Variants in TTC39A observed in about 807,000 individuals in gnomAD.
TTC39A encodes the protein tetratricopeptide repeat protein 39A.
A neutral mutation model predicts 82.3 loss-of-function variants in TTC39A; 46 were observed. The observed-to-expected ratio is 0.56, with a 90% CI of 0.44 to 0.71. The LOEUF is 0.71. Among genes scored for constraint, TTC39A ranks in the 30% least tolerant of loss-of-function variants. The probability of loss-of-function intolerance (pLI) is 0.00; values close to 1 mark genes in which losing one functional copy is unlikely to be tolerated. For synonymous variants in TTC39A, 254 were observed against 275.2 expected (o/e 0.92, Z 0.76); for missense variants, 543 against 712.9 (o/e 0.76, Z 2.71).
At chr1:51,313,088 C>T (rs964301025) in intron 2 of TTC39A, 145 bp from the exon 3 acceptor site, 7 of 1,085,962 alleles carry the variant, frequency 6.4e-6, no homozygotes, top group Non-Finnish European at 9.2e-6. Context: ...TTGGCCAGGT[C>T]TAATCTGCTC....
intron 14 of TTC39A, among the ~76,000 whole-genome samples, chr1:51,291,183 T>C (rs1050099958): frequency 3.3e-5 from 5 of 152,202 alleles, no homozygotes; most frequent in Non-Finnish European, 7.3e-5. Context: ...TAGATTCTTT[T>C]TTTTTAGTTA....
chr1:51,309,829 A>G (rs1037433332), intron 5 of TTC39A, among the ~76,000 whole-genome samples: 1 of 152,174 alleles, frequency 6.6e-6, no homozygotes, highest in African/African-American at 2.4e-5. Context: ...AGGACAGATA[A>G]ACAAACTGCG....
chr1:51,289,808 C>T (rs1644134267), intron 16 of TTC39A, among the ~76,000 whole-genome samples, 197 bp downstream of exon 16: 1 of 152,188 alleles, frequency 6.6e-6, no homozygotes, highest in South Asian at 2.1e-4. Flanking sequence ...AATTTGGTGG[C>T]ACTGGGAGGC....
chr1:51,342,243 TGGTGC>T (rs1301978385), intron 1 of TTC39A, among the ~76,000 whole-genome samples: 1 of 152,178 alleles, frequency 6.6e-6, no homozygotes, highest in Non-Finnish European at 1.5e-5. Context: ...TACCCAATCC[TGGTGC>T]CTGGAATCCC....
At position 51,311,295 on chromosome 1, in the gene TTC39A, C is replaced by A; in HGVS notation, c.382G>T (p.Ala128Ser). 1 of 1,585,842 alleles carries A rather than the reference C, an allele frequency of 6.3e-7. No individual in the cohort carries two copies. Among genetic ancestry groups the A allele is most frequent in the East Asian group, 2.3e-5 (1 of 43,622 alleles). The change falls in exon 5 of 18, where the codon GCA becomes TCA. Residue 128 changes from alanine (A) to serine (S), a missense_variant. Coordinates refer to ENST00000680483, the MANE Select transcript of TTC39A (RefSeq NM_001297663.2). ...GCTGCTCGCTGCAGCAGGCACTCTG[C>A]ATAGCAGACCTCAGCGTGGATTTCC... The part of the protein sequence containing the change: ...EEEIHAEVCY[A>S]ECLLQRAALT...
intron 1 of TTC39A, among the ~76,000 whole-genome samples, chr1:51,328,811 G>T (rs1201347029): frequency 6.6e-6 from 1 of 152,206 alleles, no homozygotes; most frequent in Non-Finnish European, 1.5e-5. Flanking sequence ...AAAAGGTAGA[G>T]ATTTAAGGCT....
intron 11 of TTC39A, 110 bp downstream of exon 11, chr1:51,302,247 C>A (rs868555655): frequency 3.3e-5 from 19 of 572,722 alleles, no homozygotes; most frequent in Non-Finnish European, 5.7e-5. Context: ...TTGGCCCCCC[C>A]CCCGCCCCCA....
chr1:51,305,765 G>A (rs1435089121), intron 7 of TTC39A, among the ~76,000 whole-genome samples: 2 of 152,100 alleles, frequency 1.3e-5, no homozygotes, highest in South Asian at 2.1e-4. Flanking sequence ...GAAATGCACC[G>A]ATGGACTCTG....
intron 14 of TTC39A, among the ~76,000 whole-genome samples, chr1:51,291,347 C>T (rs943927556): frequency 2.0e-5 from 3 of 151,102 alleles, no homozygotes; most frequent in Non-Finnish European, 2.9e-5. Flanking sequence ...AAAAATTAGC[C>T]GGGTGTGGTG....
chr1:51,309,108 C>T (rs1253896085), intron 6 of TTC39A, among the ~76,000 whole-genome samples, 153 bp downstream of exon 6: 1 of 152,178 alleles, frequency 6.6e-6, no homozygotes, highest in Non-Finnish European at 1.5e-5. Flanking sequence ...AGACTGAGGT[C>T]CTGAGGGCAT....
At chr1:51,334,428 G>C (rs531024618), upstream of TTC39A, among the ~76,000 whole-genome samples, 1 of 152,068 alleles carries the variant, frequency 6.6e-6, no homozygotes. Context: ...GCTTGAACCC[G>C]GGAGGCGGAG....
At position 51,312,794 on chromosome 1, in the gene TTC39A, G is replaced by A. The variant is rs776716358; in HGVS notation, c.278+18C>T. 30 of 1,610,778 alleles carry A rather than the reference G, an allele frequency of 1.9e-5. No individual in the cohort carries two copies. The African/African-American group carries it at 3.9e-4, about 21-fold the overall frequency. ...GTGGGCCTCCCAACCTCTGATCCCT[G>A]CCCCCAATGCCCCCAACCTCTGACA... is the stretch of plus-strand genomic sequence containing the variant. On this transcript the variant is annotated intron_variant, in intron 3 of 17. Coordinates refer to ENST00000680483, the MANE Select transcript of TTC39A (RefSeq NM_001297663.2).
intron 8 of TTC39A, among the ~76,000 whole-genome samples, chr1:51,303,804 G>A (rs913459280): frequency 6.6e-6 from 1 of 152,158 alleles, no homozygotes; most frequent in African/African-American, 2.4e-5. Flanking sequence ...TGGCACAGTA[G>A]GTCCCGCAAC....
At position 51,288,857 on chromosome 1, in the gene TTC39A, T is replaced by A. The variant is rs367992416; in HGVS notation, c.1592A>T (p.Lys531Ile). 6.2e-7 allele frequency: 1 copy of A among 1,609,096 alleles called. No homozygotes were observed. Among genetic ancestry groups the A allele is most frequent in the East Asian group, 2.2e-5 (1 of 44,822 alleles). The stretch of plus-strand genomic sequence containing the variant: ...GCCTTACTTGGCAGATTCCAAAAGT[T>A]TGATGGCCTCTTCGTTTCTGTCTTG... ...MEQDRNEEAI[K>I]LLESAKQNYK... is the part of the protein sequence containing the mutation. The change falls in exon 17 of 18, where the codon AAA (lysine) becomes ATA (isoleucine). Residue 531 changes from lysine (K) to isoleucine (I), a missense_variant. Lys to Ile is a moderately radical substitution (Grantham distance 102). Coordinates refer to ENST00000680483, the MANE Select transcript of TTC39A (RefSeq NM_001297663.2). The surrounding 1 kb of genome is among the most constrained non-coding windows in gnomAD (Gnocchi z 4.8).
At chr1:51,291,805 C>CAAA (rs112294762) in intron 14 of TTC39A, among the ~76,000 whole-genome samples, 4 of 128,140 alleles carry the variant, frequency 3.1e-5, no homozygotes, top group African/African-American at 5.7e-5. Context: ...GATTCTATCT[C>CAAA]AAAAAAAAAA....
intron 1 of TTC39A, among the ~76,000 whole-genome samples, chr1:51,341,633 A>G (rs1646038296): frequency 6.6e-6 from 1 of 152,120 alleles, no homozygotes; most frequent in African/African-American, 2.4e-5. Context: ...CTCACACTAG[A>G]GCCCTCTCCT....
intron 6 of TTC39A, among the ~76,000 whole-genome samples, chr1:51,308,131 G>T (rs551146555): frequency 3.3e-5 from 5 of 152,126 alleles, no homozygotes; most frequent in African/African-American, 1.2e-4. Flanking sequence ...AGCTTCAGCT[G>T]GGCTTCTCCG....
At position 51,302,579 on chromosome 1, in the gene TTC39A, G is replaced by A. The variant is rs1226607237; in HGVS notation, c.764-6C>T. The A allele has an allele frequency of 2.5e-6, 4 of 1,596,620 alleles. No homozygotes were observed. The African/African-American group carries it at 4.0e-5, about 16-fold the overall frequency. On this transcript the variant is annotated splice_polypyrimidine_tract_variant and splice_region_variant and intron_variant, in intron 9 of 17. Coordinates refer to ENST00000680483, the MANE Select transcript of TTC39A (RefSeq NM_001297663.2). ...GATGTTGACGTTCCCAGTACCTGGA[G>A]GAGATGGTGGGGGAGACACAGAACA...
At chr1:51,312,238 G>A (rs748051918) in intron 3 of TTC39A, 43 bp from the exon 4 acceptor site, 2 of 1,544,230 alleles carry the variant, frequency 1.3e-6, no homozygotes, top group Non-Finnish European at 1.8e-6. Flanking sequence ...ATTAGAGAGA[G>A]GCCACACTTG....
Sources: gnomAD v4.1 joint callset for allele counts (sites outside exome capture counted in the v4.1 genomes callset) on GRCh38, gnomAD v4.1.1 for gene constraint, Gnocchi (gnomAD v3.1) non-coding constraint, MANE v1.5 for transcripts, NCBI Gene and HGNC (gene_info 2026-07-23, HGNC 2026-07-21) for gene names.